The following EPHB2 variants were observed in gnomAD, a reference collection of about 807,000 sequenced individuals.
EPHB2 encodes the protein ephrin type-B receptor 2.
In EPHB2, 18 loss-of-function variants were observed where a neutral mutation model predicts 96.4. That is an observed-to-expected ratio of 0.19 (90% CI 0.13 to 0.28). The LOEUF is 0.28. Among genes scored for constraint, EPHB2 ranks in the 10% least tolerant of loss-of-function variants. EPHB2 has a pLI of 1.00. For missense variants in EPHB2, 989 were observed against 1,355.4 expected, an observed-to-expected ratio of 0.73 and a Z score of 4.25; for synonymous variants, 506 against 534.1, an observed-to-expected ratio of 0.95 and a Z score of 0.72.
intron 3 of EPHB2, among the ~76,000 whole-genome samples, chr1:22,823,686 G>A (rs1397844239): frequency 1.3e-5 from 2 of 152,182 alleles, no homozygotes; most frequent in African/African-American, 4.8e-5. Flanking sequence ...GTGACCTTAG[G>A]CAAGTAACTT....
intron 3 of EPHB2, among the ~76,000 whole-genome samples, chr1:22,799,210 C>T (rs574846148): frequency 6.6e-6 from 1 of 152,298 alleles, no homozygotes; most frequent in South Asian, 2.1e-4. Flanking sequence ...CTAACAGTCC[C>T]TGATTCCATT....
At chr1:22,829,364 C>G (rs1645270048) in intron 3 of EPHB2, among the ~76,000 whole-genome samples, 2 of 152,218 alleles carry the variant, frequency 1.3e-5, no homozygotes, top group Non-Finnish European at 2.9e-5. Flanking sequence ...TCTTAGGGGC[C>G]CACCAGATCA....
intron 3 of EPHB2, among the ~76,000 whole-genome samples, chr1:22,821,099 C>A (rs1384090073): frequency 6.6e-6 from 1 of 152,212 alleles, no homozygotes; most frequent in East Asian, 1.9e-4. Flanking sequence ...AAGATCTAAG[C>A]TGGCTGCTAA....
chr1:22,859,982 C>A (rs1248020952), intron 3 of EPHB2, among the ~76,000 whole-genome samples: 1 of 152,174 alleles, frequency 6.6e-6, no homozygotes, highest in Non-Finnish European at 1.5e-5. Flanking sequence ...CTGTCTCTTT[C>A]GATGTGCCTG....
At chr1:22,751,317 C>T (rs1055752936) in intron 1 of EPHB2, among the ~76,000 whole-genome samples, 21 of 152,144 alleles carry the variant, frequency 1.4e-4, no homozygotes, top group Admixed American at 6.5e-4. Context: ...ACTGATGGGG[C>T]GCCAGGTGGC....
At chr1:22,775,345 C>A in intron 1 of EPHB2, 1 of 743,164 alleles carries the variant, frequency 1.3e-6, no homozygotes, top group East Asian at 2.5e-5. Context: ...TTAGAGGGCC[C>A]TGGCCAGCGC....
intron 3 of EPHB2, among the ~76,000 whole-genome samples, chr1:22,791,676 A>G (rs1644695660): frequency 6.6e-6 from 1 of 151,866 alleles, no homozygotes; most frequent in Non-Finnish European, 1.5e-5. Context: ...GAGCTATAAC[A>G]TCATTGTGGA....
chr1:22,812,706 C>T (rs1475728894), intron 3 of EPHB2, among the ~76,000 whole-genome samples: 1 of 152,212 alleles, frequency 6.6e-6, no homozygotes, highest in East Asian at 1.9e-4. Flanking sequence ...GGCATAGTAA[C>T]AGCTATAGGG....
intron 1 of EPHB2, among the ~76,000 whole-genome samples, chr1:22,742,560 C>T (rs2148367664): frequency 6.6e-6 from 1 of 152,254 alleles, no homozygotes; most frequent in East Asian, 1.9e-4. Flanking sequence ...TGGCTATTCG[C>T]AGAAGCAATC....
chr1:22,912,683 G>T, intron 15 of EPHB2, 84 bp downstream of exon 15: 1 of 1,588,576 alleles, frequency 6.3e-7, no homozygotes, highest in East Asian at 2.2e-5. Flanking sequence ...TCTGGAGGGT[G>T]AGGAATAGAT....
chr1:22,910,762 C>A (rs1640072561), intron 14 of EPHB2, among the ~76,000 whole-genome samples, 187 bp downstream of exon 14: 1 of 152,148 alleles, frequency 6.6e-6, no homozygotes, highest in Non-Finnish European at 1.5e-5. Context: ...GCAGACTGCC[C>A]AGAGGAAGAA....
At chr1:22,787,145 A>T (rs2817898) in intron 3 of EPHB2, among the ~76,000 whole-genome samples, 139,853 of 152,310 alleles carry the variant, frequency 0.92, 64,405 homozygotes, top group Non-Finnish European at 0.96. Context: ...GAGACAGACA[A>T]ATAAATGTAC....
chr1:22,789,163 C>T (rs1480292627), intron 3 of EPHB2, among the ~76,000 whole-genome samples: 1 of 152,134 alleles, frequency 6.6e-6, no homozygotes, highest in Admixed American at 6.6e-5. Context: ...GGACCTAAGG[C>T]CAAAGAAAGG....
intron 1 of EPHB2, among the ~76,000 whole-genome samples, chr1:22,760,692 A>C (rs1320215900): frequency 6.6e-6 from 1 of 151,978 alleles, no homozygotes; most frequent in East Asian, 1.9e-4. Flanking sequence ...AGCTGAGCAC[A>C]CCCCAAGGCC....
At position 22,720,933 on chromosome 1, in the gene EPHB2, T is replaced by A. The variant is rs934971410; in HGVS notation, c.61+9890T>A. On this transcript the variant is annotated intron_variant, in intron 1 of 15. Transcript: ENST00000374630. ...AACTGAAAAGATGGGTCCCTGGTGC[T>A]CCTGTGGCCTGGGGCAGGTCACTTC... is the stretch of plus-strand genomic sequence containing the variant. Among the ~76,000 whole-genome samples the A allele has an allele frequency of 3.3e-5, 5 of 152,276 alleles. No individual in the cohort carries two copies. In the South Asian group the frequency reaches 1.0e-3, roughly 32 times the overall value.
intron 3 of EPHB2, among the ~76,000 whole-genome samples, chr1:22,824,716 C>T (rs956205004): frequency 3.9e-5 from 6 of 152,232 alleles, no homozygotes; most frequent in African/African-American, 9.6e-5. Flanking sequence ...TCTTGGAGTG[C>T]GATGGTTCCA....
chr1:22,727,551 C>T (rs1270857847), intron 1 of EPHB2, among the ~76,000 whole-genome samples: 1 of 152,152 alleles, frequency 6.6e-6, no homozygotes, highest in Non-Finnish European at 1.5e-5. Flanking sequence ...CCAGAATATG[C>T]AGAGTGTCAG....
intron 5 of EPHB2, among the ~76,000 whole-genome samples, chr1:22,877,078 G>A (rs1308899910): frequency 6.6e-6 from 1 of 152,202 alleles, no homozygotes; most frequent in Non-Finnish European, 1.5e-5. Context: ...GCAGCAGGAA[G>A]GGAGCTGGAC....
chr1:22,878,866 T>G (rs1638933274), intron 5 of EPHB2, among the ~76,000 whole-genome samples: 1 of 152,234 alleles, frequency 6.6e-6, no homozygotes, highest in Admixed American at 6.5e-5. Flanking sequence ...CGAGCACACC[T>G]GGCAGCAGCG....
Sources: gnomAD v4.1 joint callset for allele counts (sites outside exome capture counted in the v4.1 genomes callset) on GRCh38, gnomAD v4.1.1 for gene constraint, MANE v1.5 for transcripts, NCBI Gene and HGNC (gene_info 2026-07-23, HGNC 2026-07-21) for gene names.